The following GAK variants were observed in gnomAD, a reference collection of about 807,000 sequenced individuals.
GAK encodes cyclin-G-associated kinase.
A neutral mutation model predicts 143.9 loss-of-function variants in GAK; 79 were observed. The ratio of observed to expected loss-of-function variants is 0.55; its 90% confidence interval spans 0.46 to 0.66. GAK has a LOEUF of 0.66. GAK is among the 30% of genes least tolerant of loss of function. The probability of loss-of-function intolerance (pLI) is 0.00; values close to 1 mark genes in which losing one functional copy is unlikely to be tolerated. For synonymous variants in GAK, 881 were observed against 765.5 expected (o/e 1.15, Z -2.49); for missense variants, 1,693 against 1,779.7 (o/e 0.95, Z 0.88).
chr4:923,223 T>C (rs1033494936), intron 1 of GAK, among the ~76,000 whole-genome samples: 4 of 152,316 alleles, frequency 2.6e-5, no homozygotes, highest in Middle Eastern at 3.4e-3. Flanking sequence ...GATCTCCATC[T>C]TTTCTCACAG....
At chr4:882,641 C>T in intron 14 of GAK, 56 bp downstream of exon 14, 2 of 1,593,124 alleles carry the variant, frequency 1.3e-6, no homozygotes, top group South Asian at 1.1e-5. Context: ...TTGAACTATG[C>T]ATGAAATAAT....
At chr4:902,791 G>A (rs1233141999) in intron 5 of GAK, among the ~76,000 whole-genome samples, 1 of 151,936 alleles carries the variant, frequency 6.6e-6, no homozygotes, top group Non-Finnish European at 1.5e-5. Flanking sequence ...CAGCACAGGC[G>A]ACACTTAGCA....
intron 18 of GAK, among the ~76,000 whole-genome samples, chr4:871,374 T>A (rs535979169): frequency 9.2e-5 from 14 of 152,328 alleles, no homozygotes; most frequent in Middle Eastern, 3.4e-3. Context: ...ACACACAGAC[T>A]GCAGCCACCC....
chr4:912,165 G>C (rs1722161973), intron 3 of GAK: 1 of 459,134 alleles, frequency 2.2e-6, no homozygotes, highest in South Asian at 1.5e-5. Flanking sequence ...GGCTCTCCGA[G>C]TGAACAGAGC....
chr4:908,619 G>T (rs1363111891), intron 4 of GAK, among the ~76,000 whole-genome samples: 2 of 152,004 alleles, frequency 1.3e-5, no homozygotes, highest in Admixed American at 1.3e-4. Flanking sequence ...CTGTCTCTAA[G>T]AAAAGTTTAC....
intron 18 of GAK, among the ~76,000 whole-genome samples, chr4:873,584 A>G (rs1577109071): frequency 6.6e-6 from 1 of 150,838 alleles, no homozygotes; most frequent in Non-Finnish European, 1.5e-5. Context: ...TGTCAACTTC[A>G]CCCCTCCTTC....
intron 19 of GAK, chr4:869,711 G>A (rs111203419): frequency 7.3e-6 from 1 of 136,486 alleles, no homozygotes; most frequent in African/African-American, 2.8e-5. Flanking sequence ...TGCACACACA[G>A]CACACACAGA....
At chr4:875,076 T>C (rs529267106) in intron 18 of GAK, among the ~76,000 whole-genome samples, 2 of 152,334 alleles carry the variant, frequency 1.3e-5, no homozygotes, top group African/African-American at 4.8e-5. Flanking sequence ...CCCCCGACTT[T>C]CTTGAATAAT....
Position 905,304 on chromosome 4 carries a change from G to A in GAK, c.383-525C>T, listed in dbSNP as rs561000069. 9.3e-4 allele frequency among the ~76,000 whole-genome samples: 141 copies of A among 152,282 alleles called. 5 individuals carry two copies. In the South Asian group the frequency reaches 0.027, roughly 29 times the overall value. ...TCATTCTTTCTTTGTTTCGCTGGGCGTTCTGTCCAGTTTGTTCAAAATGCC... is the reference window on the plus strand; with the variant it reads ...TCATTCTTTCTTTGTTTCGCTGGGCATTCTGTCCAGTTTGTTCAAAATGCC... On this transcript the variant is annotated intron_variant, in intron 4 of 27. Coordinates refer to ENST00000314167, the MANE Select transcript of GAK (RefSeq NM_005255.4).
rs1711556730 is a variant in GAK at position 868,568 on chromosome 4, C to A, written c.2366G>T (p.Ser789Ile). ...DSPPSSSADA[S>I]RFLHTLDWQE... ...CCAGTCCAGCGTGTGCAGGAAGCGACTGGCGTCCGCGCTGCTGCTTGGCGG... is the reference window on the plus strand; with the variant it reads ...CCAGTCCAGCGTGTGCAGGAAGCGAATGGCGTCCGCGCTGCTGCTTGGCGG... The change falls in exon 20 of 28, where the codon AGT (serine) becomes ATT (isoleucine). Residue 789 changes from serine (S) to isoleucine (I), a missense_variant. Ser to Ile is a moderately radical substitution (Grantham distance 142). This residue lies in a region of GAK where 822 missense variants were observed against 788.7 expected (regional missense o/e 1.04). Coordinates refer to ENST00000314167, the MANE Select transcript of GAK (RefSeq NM_005255.4). 6 of 1,607,568 alleles carry A rather than the reference C, an allele frequency of 3.7e-6. No homozygotes were observed. The highest frequency in any genetic ancestry group is 5.1e-6 in the Non-Finnish European group (6 of 1,177,830).
intron 5 of GAK, among the ~76,000 whole-genome samples, chr4:903,289 T>A (rs981650565): frequency 1.3e-5 from 2 of 151,848 alleles, no homozygotes; most frequent in Non-Finnish European, 2.9e-5. Flanking sequence ...ATGCCACGCC[T>A]CGGAGAAACC....
At chr4:929,314 G>A (rs888213281) in intron 1 of GAK, among the ~76,000 whole-genome samples, 8 of 152,184 alleles carry the variant, frequency 5.3e-5, no homozygotes, top group South Asian at 2.1e-4. Flanking sequence ...CGCACGAGGC[G>A]GGTTACGCTT....
At chr4:877,894 T>G (rs1714300916) in intron 15 of GAK, 85 bp from the exon 16 acceptor site, 1 of 1,225,110 alleles carries the variant, frequency 8.2e-7, no homozygotes, top group Non-Finnish European at 1.1e-6. Flanking sequence ...TAGAAGTTTT[T>G]CATGCTAGAA....
chr4:888,928 A>G lies in GAK; in HGVS notation c.1124T>C (p.Leu375Pro). 3 of 1,612,452 alleles carry G rather than the reference A, an allele frequency of 1.9e-6. No homozygotes were observed. Among genetic ancestry groups the G allele is most frequent in the Non-Finnish European group, 2.5e-6 (3 of 1,179,694 alleles). ...CTCTGTCCCACCCCGCAGAATGTCC[A>G]GGAAGCCGCCATACGGCTGGTCGTA... ...AEYDQPYGGF[L>P]DILRGGTERL... Residue 375 changes from leucine to proline, a missense_variant, in exon 11 of 28, where the codon CTG becomes CCG. This residue lies in a region of GAK where 871 missense variants were observed against 991.0 expected (regional missense o/e 0.88). Coordinates refer to ENST00000314167, the MANE Select transcript of GAK (RefSeq NM_005255.4).
Position 867,044 on chromosome 4 carries a change from A to G in GAK, c.2784T>C (p.Asp928=). Residue 928 remains aspartate (D), a synonymous_variant, in exon 21 of 28, where the codon GAT becomes GAC. Transcript: ENST00000314167. ...GGAGCAGCGGGTCCTCGCTGAGCAG[A>G]TCCTCCGGGGGCCCCTGGGAGGCGG... ...PEAASQGPPE[D]LLSEDPLLLA... The G allele has an allele frequency of 6.6e-7, 1 of 1,519,590 alleles. No homozygotes were observed. Among genetic ancestry groups the G allele is most frequent in the Non-Finnish European group, 8.8e-7 (1 of 1,134,228 alleles). 94.1% of individuals were successfully genotyped at this position (1,519,590 alleles called of 1,614,324 possible). A position where few individuals can be genotyped will look rare whatever the true frequency, so the allele number is the denominator to read the frequency against.
intron 27 of GAK, 58 bp from the exon 28 acceptor site, chr4:849,832 G>GGGGGGGGGGGC: frequency 2.4e-6 from 3 of 1,256,600 alleles, no homozygotes; most frequent in Non-Finnish European, 3.3e-6. Context: ...GGGCGGGGCA[G>GGGGGGGGGGGC]GACCCCCCCC....
At chr4:914,612 C>T (rs1352812652) in intron 1 of GAK, among the ~76,000 whole-genome samples, 10 of 112,374 alleles carry the variant, frequency 8.9e-5, no homozygotes, top group African/African-American at 3.2e-4. Context: ...ATAGCCCCAG[C>T]GTACACGGCC....
chr4:895,346 G>C (rs1385271246), intron 7 of GAK, among the ~76,000 whole-genome samples: 2 of 152,264 alleles, frequency 1.3e-5, no homozygotes, highest in Admixed American at 1.3e-4. Flanking sequence ...CCAGCCAAGA[G>C]TAAGAGCTCA....
At chr4:856,497 A>ACTCACCACCACAGCTGCTCACACCTG (rs1560281284) in intron 24 of GAK, among the ~76,000 whole-genome samples, 5 of 95,850 alleles carry the variant, frequency 5.2e-5, no homozygotes, top group East Asian at 6.6e-4. Context: ...GCTCACACCT[A>ACTCACCACCACAGCTGCTCACACCTG]CTCACCACCA....
Sources: gnomAD v4.1 joint callset for allele counts (sites outside exome capture counted in the v4.1 genomes callset) on GRCh38, gnomAD v4.1.1 for gene constraint, gnomAD v4.1.1 regional missense constraint, MANE v1.5 for transcripts, NCBI Gene and HGNC (gene_info 2026-07-23, HGNC 2026-07-21) for gene names.